The following GRIK2 variants were observed in gnomAD, a reference collection of about 807,000 sequenced individuals.
GRIK2 encodes the protein glutamate ionotropic receptor kainate type subunit 2, also known as glutamate receptor ionotropic, kainate 2.
GRIK2 carries 32 observed loss-of-function variants against 100.3 expected under a neutral mutation model. The observed-to-expected ratio is 0.32, with a 90% CI of 0.24 to 0.43. The LOEUF is 0.43. Ranked by LOEUF, GRIK2 falls within the 20% of genes least tolerant of loss-of-function variation. The pLI, the probability that GRIK2 is intolerant of heterozygous loss-of-function variation, is 1.00. For synonymous variants in GRIK2, 417 were observed against 389.4 expected, an observed-to-expected ratio of 1.07 and a Z score of -0.83; for missense variants, 843 against 1,114.9, an observed-to-expected ratio of 0.76 and a Z score of 3.47.
At chr6:102,036,201 T>A (rs899687370) in intron 15 of GRIK2, among the ~76,000 whole-genome samples, 4 of 150,116 alleles carry the variant, frequency 2.7e-5, no homozygotes, top group African/African-American at 9.8e-5. Context: ...CAAACATGTA[T>A]GAATATGTAT....
At chr6:101,436,819 G>C (rs569644998) in intron 2 of GRIK2, among the ~76,000 whole-genome samples, 20 of 150,584 alleles carry the variant, frequency 1.3e-4, no homozygotes, top group African/African-American at 4.8e-4. Context: ...TATACTTTAA[G>C]TTCTAGGGTA....
intron 14 of GRIK2, among the ~76,000 whole-genome samples, chr6:101,944,396 A>AATATTATT (rs1791144762): frequency 6.6e-6 from 1 of 152,194 alleles, no homozygotes; most frequent in Admixed American, 6.5e-5. Flanking sequence ...CACAGTTGTT[A>AATATTATT]ATATTATTTA....
intron 14 of GRIK2, among the ~76,000 whole-genome samples, chr6:101,957,481 ATTAT>A (rs542111461): frequency 1.7e-4 from 26 of 150,736 alleles, no homozygotes; most frequent in South Asian, 1.7e-3. Context: ...ATTTATTTTT[ATTAT>A]TTATTTATTT....
intron 2 of GRIK2, among the ~76,000 whole-genome samples, chr6:101,427,215 G>A (rs1252683772): frequency 1.3e-5 from 2 of 152,144 alleles, no homozygotes; most frequent in African/African-American, 4.8e-5. Flanking sequence ...TGTCAGCATT[G>A]GCCAGGTGCC....
At chr6:101,453,368 G>C (rs148441401) in intron 2 of GRIK2, among the ~76,000 whole-genome samples, 1 of 151,912 alleles carries the variant, frequency 6.6e-6, no homozygotes, top group South Asian at 2.1e-4. Context: ...AAATGAGTTT[G>C]GAATTGCCAG....
intron 2 of GRIK2, among the ~76,000 whole-genome samples, chr6:101,433,879 A>T (rs1769564185): frequency 2.0e-5 from 3 of 152,156 alleles, no homozygotes; most frequent in Admixed American, 2.0e-4. Flanking sequence ...AATTACTCTC[A>T]AGAGTAGCTT....
intron 14 of GRIK2, among the ~76,000 whole-genome samples, chr6:101,975,296 A>G (rs922257125): frequency 6.6e-6 from 1 of 151,990 alleles, no homozygotes; most frequent in Admixed American, 6.6e-5. Context: ...TTGGGAATAG[A>G]TGAAATCACC....
chr6:101,885,793 G>T (rs1786569817), intron 11 of GRIK2, among the ~76,000 whole-genome samples: 2 of 151,904 alleles, frequency 1.3e-5, no homozygotes, highest in Non-Finnish European at 2.9e-5. Context: ...GATGAATTGT[G>T]CAGAAAGTAG....
chr6:101,914,889 A>G (rs1370526580), intron 12 of GRIK2, among the ~76,000 whole-genome samples: 2 of 151,526 alleles, frequency 1.3e-5, no homozygotes, highest in African/African-American at 2.4e-5. Context: ...TAAATGTTTT[A>G]TTACTTTCAT....
intron 7 of GRIK2, among the ~76,000 whole-genome samples, chr6:101,738,707 C>T (rs894798547): frequency 2.0e-5 from 3 of 152,116 alleles, no homozygotes; most frequent in Admixed American, 2.0e-4. Context: ...TAACTCTTTG[C>T]TGTGGGGGAC....
chr6:101,615,880 A>C (rs776727628), intron 2 of GRIK2, among the ~76,000 whole-genome samples: 20 of 151,990 alleles, frequency 1.3e-4, no homozygotes, highest in Non-Finnish European at 2.8e-4. Flanking sequence ...AAACCAGCTG[A>C]GATCTTCCTC....
intron 7 of GRIK2, among the ~76,000 whole-genome samples, chr6:101,708,458 A>AT (rs1210722968): frequency 6.6e-6 from 1 of 151,540 alleles, no homozygotes; most frequent in African/African-American, 2.4e-5. Context: ...TTTGATATAT[A>AT]TTTTTTCATA....
intron 11 of GRIK2, among the ~76,000 whole-genome samples, chr6:101,884,641 G>A (rs1786491147): frequency 6.6e-6 from 1 of 152,080 alleles, no homozygotes; most frequent in East Asian, 1.9e-4. Flanking sequence ...TCTGTAAAAA[G>A]AATTAATCTG....
chr6:101,451,706 G>T (rs528348882), intron 2 of GRIK2, among the ~76,000 whole-genome samples: 1 of 138,790 alleles, frequency 7.2e-6, no homozygotes, highest in Admixed American at 7.4e-5. Flanking sequence ...GGGGGGGGGG[G>T]GTGCCAAATA....
chr6:101,911,827 TACAC>T (rs1236211924), intron 12 of GRIK2, among the ~76,000 whole-genome samples: 1 of 151,484 alleles, frequency 6.6e-6, no homozygotes, highest in Non-Finnish European at 1.5e-5. Context: ...TACACAATAA[TACAC>T]ACACATAATT....
intron 13 of GRIK2, 117 bp from the exon 14 acceptor site, chr6:101,928,298 A>G: frequency 1.6e-6 from 1 of 640,876 alleles, no homozygotes; most frequent in Non-Finnish European, 2.8e-6. Flanking sequence ...GAAATATGTA[A>G]ATCTTTGATT....
intron 10 of GRIK2, among the ~76,000 whole-genome samples, chr6:101,837,490 A>ACATTGTTT (rs1783206936): frequency 6.6e-6 from 1 of 152,174 alleles, no homozygotes; most frequent in Non-Finnish European, 1.5e-5. Context: ...TATATACCAA[A>ACATTGTTT]CATTGTTTCA....
intron 2 of GRIK2, among the ~76,000 whole-genome samples, chr6:101,404,809 A>G (rs1344239975): frequency 1.3e-5 from 2 of 152,194 alleles, no homozygotes. Context: ...CTTCTACCCT[A>G]AATCTTAGCA....
chr6:101,815,766 T>C (rs1316815324), intron 9 of GRIK2, among the ~76,000 whole-genome samples: 2 of 152,116 alleles, frequency 1.3e-5, no homozygotes, highest in African/African-American at 4.8e-5. Flanking sequence ...ATTTCCTCAA[T>C]GGAAGAAAGT....
Sources: allele counts gnomAD v4.1 joint callset (sites outside exome capture counted in the v4.1 genomes callset), GRCh38; gene constraint gnomAD v4.1.1; transcripts MANE v1.5; gene names NCBI Gene and HGNC (gene_info 2026-07-23, HGNC 2026-07-21).